RAD51B: variants seen among roughly 807,000 people sequenced by gnomAD.
The protein encoded by RAD51B is DNA repair protein RAD51 homolog 2.
A neutral mutation model predicts 42.2 loss-of-function variants in RAD51B; 38 were observed. The ratio of observed to expected loss-of-function variants is 0.90; its 90% CI spans 0.70 to 1.18. The LOEUF (loss-of-function observed/expected upper bound fraction) is 1.18. RAD51B is among the 50% of genes most tolerant of loss of function. The pLI, the probability that RAD51B is intolerant of heterozygous loss-of-function variation, is 0.00. For synonymous variants in RAD51B, 154 were observed against 145.2 expected (o/e 1.06, Z -0.43); for missense variants, 373 against 400.7 (o/e 0.93, Z 0.59).
intron 9 of RAD51B, among the ~76,000 whole-genome samples, chr14:68,413,114 A>G (rs1216934603): frequency 6.6e-6 from 1 of 152,244 alleles, no homozygotes; most frequent in African/African-American, 2.4e-5. Context: ...TAGTTTTACT[A>G]ATTCCAGTTA....
downstream of RAD51B, among the ~76,000 whole-genome samples, chr14:68,600,780 A>C (rs1891186167): frequency 6.6e-6 from 1 of 152,174 alleles, no homozygotes; most frequent in African/African-American, 2.4e-5. Context: ...TCCTTTAGGG[A>C]AAAGCTGGTG....
chr14:68,424,545 T>G (rs2084787057), intron 9 of RAD51B, among the ~76,000 whole-genome samples: 1 of 152,230 alleles, frequency 6.6e-6, no homozygotes, highest in South Asian at 2.1e-4. Flanking sequence ...TGTTCCATAC[T>G]GACCTGCATT....
intron 7 of RAD51B, among the ~76,000 whole-genome samples, chr14:68,118,924 G>A (rs1210093969): frequency 6.6e-6 from 1 of 151,922 alleles, no homozygotes; most frequent in African/African-American, 2.4e-5. Context: ...AGATGCTTGT[G>A]AACACTTCAA....
downstream of RAD51B, among the ~76,000 whole-genome samples, chr14:68,596,896 T>C (rs540454698): frequency 6.6e-6 from 1 of 152,292 alleles, no homozygotes; most frequent in East Asian, 1.9e-4. Flanking sequence ...GCTGTCCTCC[T>C]GGCCGACTGT....
chr14:68,330,059 A>G (rs1478379257), intron 8 of RAD51B, among the ~76,000 whole-genome samples: 5 of 152,182 alleles, frequency 3.3e-5, no homozygotes, highest in Non-Finnish European at 7.3e-5. Flanking sequence ...AAACACTCCA[A>G]AATCTAACAT....
At chr14:68,175,467 C>G (rs2078946481) in intron 7 of RAD51B, among the ~76,000 whole-genome samples, 1 of 152,158 alleles carries the variant, frequency 6.6e-6, no homozygotes, top group Non-Finnish European at 1.5e-5. Flanking sequence ...ACAAGCATAG[C>G]TGGCTGGGGA....
At chr14:68,561,176 A>G (rs1298585114) in intron 10 of RAD51B, among the ~76,000 whole-genome samples, 3 of 152,174 alleles carry the variant, frequency 2.0e-5, no homozygotes, top group African/African-American at 4.8e-5. Flanking sequence ...CCAAATACAC[A>G]ACAAGCTCTT....
intron 7 of RAD51B, among the ~76,000 whole-genome samples, chr14:68,002,675 T>G (rs1389011405): frequency 6.6e-6 from 1 of 152,174 alleles, no homozygotes; most frequent in Non-Finnish European, 1.5e-5. Context: ...TACATTTAAG[T>G]CTTTAATTAA....
chr14:68,294,302 T>G (rs1354672494), intron 8 of RAD51B, among the ~76,000 whole-genome samples: 1 of 152,240 alleles, frequency 6.6e-6, no homozygotes, highest in African/African-American at 2.4e-5. Flanking sequence ...TTCTAGATTT[T>G]TTTTTTGTAT....
chr14:68,417,359 A>G (rs746649838), intron 9 of RAD51B, among the ~76,000 whole-genome samples: 5 of 152,220 alleles, frequency 3.3e-5, no homozygotes, highest in African/African-American at 4.8e-5. Context: ...ATAAATACCT[A>G]TAGAAATAGC....
intron 11 of RAD51B, chr14:68,682,910 CTTTTTTTTT>C: frequency 4.3e-4 from 302 of 697,646 alleles, no homozygotes; most frequent in Middle Eastern, 7.4e-4. Context: ...TAGCTTATGG[CTTTTTTTTT>C]TTTTTTTTTT....
chr14:67,851,322 T>C (rs2041799702), intron 4 of RAD51B, among the ~76,000 whole-genome samples: 1 of 151,964 alleles, frequency 6.6e-6, no homozygotes, highest in African/African-American at 2.4e-5. Context: ...TGAGGGCTGA[T>C]ATCTGGGTGA....
chr14:68,159,497 G>A (rs1166444706), intron 7 of RAD51B, among the ~76,000 whole-genome samples: 1 of 151,844 alleles, frequency 6.6e-6, no homozygotes, highest in Non-Finnish European at 1.5e-5. Flanking sequence ...GCGTGTGCCT[G>A]TAATCCCAGC....
chr14:67,837,687 A>G (rs1195903161), intron 4 of RAD51B, among the ~76,000 whole-genome samples: 1 of 152,120 alleles, frequency 6.6e-6, no homozygotes, highest in African/African-American at 2.4e-5. Context: ...AATTGTATAT[A>G]TTTATGGGGT....
intron 10 of RAD51B, among the ~76,000 whole-genome samples, chr14:68,525,030 C>A (rs1422559789): frequency 6.6e-6 from 1 of 151,996 alleles, no homozygotes; most frequent in Non-Finnish European, 1.5e-5. Context: ...ATTAAGGAAG[C>A]AAAAAAGGTG....
chr14:68,278,604 T>C (rs2081266244), intron 7 of RAD51B, among the ~76,000 whole-genome samples: 1 of 152,198 alleles, frequency 6.6e-6, no homozygotes, highest in South Asian at 2.1e-4. Context: ...GTACTTTAAA[T>C]AAAGGGGTGC....
intron 10 of RAD51B, among the ~76,000 whole-genome samples, chr14:68,649,461 C>T (rs1211291328): frequency 2.6e-5 from 4 of 152,336 alleles, no homozygotes; most frequent in East Asian, 1.9e-4. Context: ...GCAAGATCAG[C>T]GCACAGATGG....
chr14:67,928,062 T>C (rs1167023736), intron 7 of RAD51B, among the ~76,000 whole-genome samples: 1 of 152,118 alleles, frequency 6.6e-6, no homozygotes, highest in Non-Finnish European at 1.5e-5. Flanking sequence ...TGGAATAGCT[T>C]GAGGAGGACT....
intron 7 of RAD51B, among the ~76,000 whole-genome samples, chr14:68,236,690 G>A (rs1212910233): frequency 2.0e-5 from 3 of 152,112 alleles, no homozygotes; most frequent in African/African-American, 7.2e-5. Context: ...TTTTTAATGA[G>A]GTCTGATGCC....
Sources: allele counts gnomAD v4.1 joint callset (sites outside exome capture counted in the v4.1 genomes callset), GRCh38; gene constraint gnomAD v4.1.1; transcripts MANE v1.5; gene names NCBI Gene and HGNC (gene_info 2026-07-23, HGNC 2026-07-21).